KATNIP: variants seen among roughly 807,000 people sequenced by gnomAD.
KATNIP encodes katanin interacting protein, also known as katanin-interacting protein.
KATNIP carries 126 observed loss-of-function variants against 174.0 expected under a neutral mutation model. The observed-to-expected ratio is 0.72, with a 90% CI of 0.63 to 0.84. KATNIP has a LOEUF of 0.84. KATNIP is among the 40% of genes least tolerant of loss of function. KATNIP has a pLI of 0.00. For missense variants in KATNIP, 1,958 were observed against 2,109.7 expected, an observed-to-expected ratio of 0.93 and a Z score of 1.41; for synonymous variants, 810 against 835.7, an observed-to-expected ratio of 0.97 and a Z score of 0.53.
At position 27,761,467 on chromosome 16, in the gene KATNIP, C is replaced by T. The variant is rs974676974; in HGVS notation, c.3686C>T (p.Thr1229Ile). The change falls in exon 19 of 28, where the codon ACT (threonine) becomes ATT (isoleucine). Residue 1229 changes from threonine (T) to isoleucine (I), a missense_variant. This residue lies in a region of KATNIP where 1,557 missense variants were observed against 1,617.8 expected (regional missense o/e 0.96). Transcript: ENST00000261588. The stretch of plus-strand genomic sequence containing the variant: ...GGAGACTTGCACTACCTGGGGCTCA[C>T]TGGCCTGGAAGTGGTGGGCAAGGAG... ...SWGDLHYLGL[T>I]GLEVVGKEGQ... The T allele has an allele frequency of 3.1e-6, 5 of 1,614,010 alleles. No individual in the cohort carries two copies. The East Asian group carries it at 1.1e-4, about 36-fold the overall frequency.
intron 2 of KATNIP, among the ~76,000 whole-genome samples, chr16:27,602,935 A>G (rs1175123636): frequency 2.0e-5 from 3 of 152,160 alleles, no homozygotes; most frequent in Non-Finnish European, 2.9e-5. Flanking sequence ...CTGGGCTCAA[A>G]GTGATCCTCT....
At chr16:27,665,041 T>C (rs2077635442) in intron 6 of KATNIP, among the ~76,000 whole-genome samples, 1 of 152,168 alleles carries the variant, frequency 6.6e-6, no homozygotes, top group Non-Finnish European at 1.5e-5. Context: ...CTTGTGTCTT[T>C]CTTTAGCACT....
At chr16:27,703,199 G>A (rs2079165291) in intron 11 of KATNIP, among the ~76,000 whole-genome samples, 1 of 152,008 alleles carries the variant, frequency 6.6e-6, no homozygotes, top group Non-Finnish European at 1.5e-5. Flanking sequence ...GAAAAGGCTG[G>A]GCCATGAGGA....
At chr16:27,579,717 G>T (rs967624990) in intron 2 of KATNIP, among the ~76,000 whole-genome samples, 1 of 152,020 alleles carries the variant, frequency 6.6e-6, no homozygotes, top group South Asian at 2.1e-4. Flanking sequence ...ACGGAAGGCC[G>T]TTTTTGCAGT....
At chr16:27,641,604 A>G (rs1339268969) in intron 5 of KATNIP, among the ~76,000 whole-genome samples, 1 of 152,212 alleles carries the variant, frequency 6.6e-6, no homozygotes, top group Non-Finnish European at 1.5e-5. Context: ...ACAGGGGAGT[A>G]TGTGCTGGAC....
chr16:27,572,943 C>G (rs750043405), intron 1 of KATNIP, among the ~76,000 whole-genome samples: 1 of 152,188 alleles, frequency 6.6e-6, no homozygotes, highest in Non-Finnish European at 1.5e-5. Context: ...AAAGCATCAT[C>G]CCTTGAGCTT....
At chr16:27,747,354 G>T (rs1233760745) in intron 15 of KATNIP, among the ~76,000 whole-genome samples, 2 of 152,134 alleles carry the variant, frequency 1.3e-5, no homozygotes, top group Admixed American at 1.3e-4. Flanking sequence ...GGAATTGTAG[G>T]AGTCTTACGG....
intron 5 of KATNIP, among the ~76,000 whole-genome samples, chr16:27,643,767 G>C (rs977289138): frequency 4.6e-5 from 7 of 151,906 alleles, no homozygotes; most frequent in African/African-American, 1.7e-4. Context: ...AGGTCAGTAA[G>C]ACTCTGACAT....
chr16:27,681,914 C>T (rs2142820181), intron 8 of KATNIP, among the ~76,000 whole-genome samples: 1 of 152,252 alleles, frequency 6.6e-6, no homozygotes, highest in Non-Finnish European at 1.5e-5. Flanking sequence ...GGGCAATCTG[C>T]CTTACTCTCC....
At chr16:27,650,410 A>G (rs1228845542) in intron 6 of KATNIP, among the ~76,000 whole-genome samples, 1 of 152,232 alleles carries the variant, frequency 6.6e-6, no homozygotes, top group Non-Finnish European at 1.5e-5. Context: ...ATTTTTATAA[A>G]TAGAATGAGT....
intron 18 of KATNIP, among the ~76,000 whole-genome samples, chr16:27,757,237 C>T (rs932610202): frequency 6.6e-6 from 1 of 152,154 alleles, no homozygotes; most frequent in South Asian, 2.1e-4. Flanking sequence ...GGTGTGCCAC[C>T]GTGCCCGGCT....
chr16:27,746,278 G>A (rs901481050), intron 15 of KATNIP, among the ~76,000 whole-genome samples: 4 of 152,256 alleles, frequency 2.6e-5, no homozygotes, highest in African/African-American at 9.6e-5. Flanking sequence ...TCCTTGGTGC[G>A]CTTGCAGACC....
Position 27,766,423 on chromosome 16 carries a change from A to T in KATNIP, c.3924A>T (p.Ala1308=). 2 of 1,614,062 alleles carry T rather than the reference A, an allele frequency of 1.2e-6. No homozygotes were observed. The highest frequency in any genetic ancestry group is 1.7e-6 in the Non-Finnish European group (2 of 1,180,018). The change falls in exon 20 of 28, where the codon GCA becomes GCT. Residue 1308 remains alanine (A), a synonymous_variant. Coordinates refer to ENST00000261588, the MANE Select transcript of KATNIP (RefSeq NM_015202.5). The part of the protein sequence containing the change: ...TIRLDRAESI[A]GLRFWNYNKS... Reference sequence around the variant, plus strand: ...GCCTGGACAGGGCCGAAAGCATCGCAGGCCTGCGCTTCTGGAACTACAATA... The same window carrying T: ...GCCTGGACAGGGCCGAAAGCATCGCTGGCCTGCGCTTCTGGAACTACAATA...
intron 15 of KATNIP, 125 bp downstream of exon 15, chr16:27,741,045 G>A: frequency 9.8e-7 from 1 of 1,023,886 alleles, no homozygotes; most frequent in Non-Finnish European, 1.4e-6. Context: ...TCTCAACTAA[G>A]GGTCACAAAA....
intron 18 of KATNIP, among the ~76,000 whole-genome samples, chr16:27,759,856 G>T (rs992452604): frequency 6.6e-6 from 1 of 152,192 alleles, no homozygotes; most frequent in South Asian, 2.1e-4. Context: ...GCAGGGACAC[G>T]GGATGGGACG....
chr16:27,675,536 A>G (rs2078082479), intron 6 of KATNIP, among the ~76,000 whole-genome samples: 1 of 152,206 alleles, frequency 6.6e-6, no homozygotes, highest in Non-Finnish European at 1.5e-5. Flanking sequence ...AGGCCTGGGA[A>G]TAATTATCTG....
rs749404725 is a variant in KATNIP at position 27,766,430 on chromosome 16, C to T, written c.3931C>T (p.Arg1311Cys). Residue 1311 changes from arginine (R) to cysteine (C), a missense_variant, in exon 20 of 28, where the codon CGC (arginine) becomes TGC (cysteine). Transcript: ENST00000261588. ...LDRAESIAGL[R>C]FWNYNKSPED... Reference sequence around the variant, plus strand: ...CAGGGCCGAAAGCATCGCAGGCCTGCGCTTCTGGAACTACAATAAATCTCC... The same window carrying T: ...CAGGGCCGAAAGCATCGCAGGCCTGTGCTTCTGGAACTACAATAAATCTCC... 11 of 1,613,842 alleles carry T rather than the reference C, an allele frequency of 6.8e-6. No individual in the cohort carries two copies. Among genetic ancestry groups the T allele is most frequent in the African/African-American group, 4.0e-5 (3 of 74,938 alleles).
At chr16:27,566,567 G>A (rs780148392) in intron 1 of KATNIP, among the ~76,000 whole-genome samples, 28 of 151,932 alleles carry the variant, frequency 1.8e-4, no homozygotes, top group Non-Finnish European at 3.1e-4. Flanking sequence ...GGGGGTATGG[G>A]GGTGGGGGTA....
chr16:27,684,415 G>A (rs1305343019), intron 8 of KATNIP, among the ~76,000 whole-genome samples: 5 of 152,106 alleles, frequency 3.3e-5, no homozygotes, highest in African/African-American at 4.8e-5. Flanking sequence ...TAATACCCAC[G>A]TCAGCCTAGT....
Sources: allele counts gnomAD v4.1 joint callset (sites outside exome capture counted in the v4.1 genomes callset), GRCh38; gene constraint gnomAD v4.1.1; regional missense constraint gnomAD v4.1.1; transcripts MANE v1.5; gene names NCBI Gene and HGNC (gene_info 2026-07-23, HGNC 2026-07-21).